The following RADIL variants were observed in gnomAD, a reference collection of about 807,000 sequenced individuals.
RADIL encodes ras-associating and dilute domain-containing protein.
In RADIL, 99 loss-of-function variants were observed where a neutral mutation model predicts 97.6. The observed-to-expected ratio is 1.01, with a 90% CI of 0.86 to 1.20. The LOEUF (loss-of-function observed/expected upper bound fraction) is 1.20, where lower values mean the gene tolerates loss of function less well. Among genes scored for constraint, RADIL ranks in the 50% most tolerant of loss-of-function variants. RADIL has a pLI of 0.00. For missense variants in RADIL, 1,765 were observed against 1,498.9 expected (o/e 1.18, Z -2.93); for synonymous variants, 803 against 691.8 (o/e 1.16, Z -2.52).
At chr7:4,848,211 C>T (rs1223986971) in intron 2 of RADIL, among the ~76,000 whole-genome samples, 2 of 119,596 alleles carry the variant, frequency 1.7e-5, no homozygotes, top group African/African-American at 3.6e-5. Flanking sequence ...AGTGAGACCC[C>T]GTCTCAAAAA....
Position 4,880,397 on chromosome 7 carries a change from G to A in RADIL, c.-64-2194C>T, listed in dbSNP as rs1249557341. ...ATCACAAACGTGCGGCCTGGCCTGT[G>A]CACACCACACCAGCGGCTTCCAATC... On this transcript the variant is annotated intron_variant, in intron 1 of 14. Transcript: ENST00000399583. This position sits in a 1 kb window ranked among gnomAD's most constrained non-coding sequence, Gnocchi z 4.5. Among the ~76,000 whole-genome samples the A allele has an allele frequency of 2.0e-5, 3 of 152,152 alleles. No homozygotes were observed. Among genetic ancestry groups the A allele is most frequent in the Non-Finnish European group, 4.4e-5 (3 of 68,026 alleles).
intron 2 of RADIL, among the ~76,000 whole-genome samples, chr7:4,870,404 G>T (rs1583324060): frequency 6.6e-6 from 1 of 152,180 alleles, no homozygotes; most frequent in African/African-American, 2.4e-5. Context: ...ATAGGTCACT[G>T]TTGGGAACCA....
chr7:4,836,222 C>G, intron 3 of RADIL, 136 bp downstream of exon 3: 1 of 1,354,204 alleles, frequency 7.4e-7, no homozygotes, highest in Non-Finnish European at 1.0e-6. Flanking sequence ...TCCACAGCCT[C>G]GGCACAGCCA....
chr7:4,823,816 G>A (rs374513699), intron 5 of RADIL, among the ~76,000 whole-genome samples: 4 of 152,208 alleles, frequency 2.6e-5, no homozygotes, highest in African/African-American at 9.7e-5. Flanking sequence ...AGGGGTGGAC[G>A]TGGCAAGGCT....
In RADIL at chr7:4,863,989, C is replaced by CAG. The variant is rs556469144; in HGVS notation, c.535+13614_535+13615dup. On this transcript the variant is annotated intron_variant, in intron 2 of 14. Coordinates refer to ENST00000399583, the MANE Select transcript of RADIL (RefSeq NM_018059.5). ...GACTTCCTTTATTTTCCTGGGTACT[C>CAG]AGCTATGCATTCAAAAAAATGATTT... 8.3e-4 allele frequency among the ~76,000 whole-genome samples: 127 copies of CAG among 152,332 alleles called. 1 individual carries two copies. Among genetic ancestry groups the CAG allele is most frequent in the Middle Eastern group, 3.4e-3 (1 of 294 alleles).
chr7:4,871,118 C>T (rs17886321), intron 2 of RADIL, among the ~76,000 whole-genome samples: 72,054 of 152,046 alleles, frequency 0.47, 19,970 homozygotes, highest in African/African-American at 0.77. Flanking sequence ...GGTTGTTTTG[C>T]TTTTAGCCAG....
In RADIL at chr7:4,835,274, G is replaced by A. The variant is rs758825184; in HGVS notation, c.784-35C>T. On this transcript the variant is annotated intron_variant, in intron 3 of 14. Coordinates refer to ENST00000399583, the MANE Select transcript of RADIL (RefSeq NM_018059.5). This position sits in a 1 kb window ranked among gnomAD's most constrained non-coding sequence, Gnocchi z 5.8. ...AGACTCCGCTCAGGGCAGGCGTAAC[G>A]CGAGCAGCACACGGGAAAAGCGTCC... 9.4e-6 allele frequency: 15 copies of A among 1,597,732 alleles called. No individual in the cohort carries two copies. Among genetic ancestry groups the A allele is most frequent in the Non-Finnish European group, 1.3e-5 (15 of 1,177,774 alleles).
rs1782655716 is a variant in RADIL at position 4,815,530 on chromosome 7, C to T, written c.1967-80G>A. On this transcript the variant is annotated intron_variant, in intron 8 of 14. Transcript: ENST00000399583. This position sits in a 1 kb window ranked among gnomAD's most constrained non-coding sequence, Gnocchi z 8.0. ...GACATGGGCCTGTCCCCAGAGCCTG[C>T]CCTTCCCGGCTCTGGGCCACTGAGG... 7 of 1,364,384 alleles carry T rather than the reference C, an allele frequency of 5.1e-6. No homozygotes were observed. Among genetic ancestry groups the T allele is most frequent in the Non-Finnish European group, 6.8e-6 (7 of 1,033,078 alleles). The allele number at this position is 1,364,384 out of a possible 1,614,324, so 84.5% of individuals were successfully genotyped here. A position where few individuals can be genotyped will look rare whatever the true frequency, so the allele number is the denominator to read the frequency against.
At position 4,814,963 on chromosome 7, in the gene RADIL, C is replaced by T. The variant is rs572241915; in HGVS notation, c.2139+315G>A. Among the ~76,000 whole-genome samples, 4 of 152,152 alleles carry T rather than the reference C, an allele frequency of 2.6e-5. No individual in the cohort carries two copies. Among genetic ancestry groups the T allele is most frequent in the South Asian group, 2.1e-4 (1 of 4,824 alleles). On this transcript the variant is annotated intron_variant, in intron 9 of 14. Coordinates refer to ENST00000399583, the MANE Select transcript of RADIL (RefSeq NM_018059.5). This position sits in a 1 kb window ranked among gnomAD's most constrained non-coding sequence, Gnocchi z 4.5. ...ACTTGTCTGAGTGGACTGGGCCACCCGGATACCCAGGTCATCTCCGAATCT... is the reference window on the plus strand; with the variant it reads ...ACTTGTCTGAGTGGACTGGGCCACCTGGATACCCAGGTCATCTCCGAATCT...
Position 4,805,695 on chromosome 7 carries a change from C to G in RADIL, c.2161G>C (p.Ala721Pro), listed in dbSNP as rs1191049999. The G allele has an allele frequency of 6.2e-7, 1 of 1,610,584 alleles. No homozygotes were observed. The highest frequency in any genetic ancestry group is 8.5e-7 in the Non-Finnish European group (1 of 1,179,398). Residue 721 changes from alanine (A) to proline (P), a missense_variant, in exon 10 of 15, where the codon GCT becomes CCT. Transcript: ENST00000399583. ...LIQMSWTALR[A>P]AFPALSPAQL... is the part of the protein sequence containing the mutation. ...GCTGGGCTCAGTGCGGGGAACGCAG[C>G]CCGCAGGGCTGTCCAGCTCATCTGG...
At chr7:4,864,604 T>G (rs1312601881) in intron 2 of RADIL, among the ~76,000 whole-genome samples, 1 of 152,212 alleles carries the variant, frequency 6.6e-6, no homozygotes, top group Non-Finnish European at 1.5e-5. Flanking sequence ...AGTCTCCATT[T>G]TAGGAAATGA....
At position 4,815,568 on chromosome 7, in the gene RADIL, G is replaced by A. The variant is rs1246338185; in HGVS notation, c.1967-118C>T. 23 of 1,129,290 alleles carry A rather than the reference G, an allele frequency of 2.0e-5. 1 individual carries two copies. Among genetic ancestry groups the A allele is most frequent in the South Asian group, 1.5e-4 (8 of 54,806 alleles). 70.0% of individuals were successfully genotyped at this position (1,129,290 alleles called of 1,614,324 possible). ...TGGGCCACTGAGGACATCACAGCTC[G>A]ATGACAGGCAGGACACCTTCCCTCG... On this transcript the variant is annotated intron_variant, in intron 8 of 14. Coordinates refer to ENST00000399583, the MANE Select transcript of RADIL (RefSeq NM_018059.5). This position sits in a 1 kb window ranked among gnomAD's most constrained non-coding sequence, Gnocchi z 8.0.
At chr7:4,860,680 T>A in intron 2 of RADIL, 1 of 1,614,176 alleles carries the variant, frequency 6.2e-7, no homozygotes, top group African/African-American at 1.3e-5. Flanking sequence ...TTGCCAGAAG[T>A]ACAATATAAT....
chr7:4,837,865 C>T lies in RADIL; in HGVS notation c.536-1260G>A, dbSNP rs1442046008. On this transcript the variant is annotated intron_variant, in intron 2 of 14. Transcript: ENST00000399583. The surrounding 1 kb of genome is among the most constrained non-coding windows in gnomAD (Gnocchi z 5.6). ...TGACCCGGCGCTGTCTTTTCTGAGC[C>T]CTCTGCTGAGTTCCCTGTACGCAGC... is the stretch of plus-strand genomic sequence containing the variant. 1.0e-6 allele frequency: 1 copy of T among 985,324 alleles called. No homozygotes were observed. Among genetic ancestry groups the T allele is most frequent in the East Asian group, 1.1e-4 (1 of 8,816 alleles). The allele number at this position is 985,324 out of a possible 1,614,324, so 61.0% of individuals were successfully genotyped here.
At chr7:4,799,567 A>AG (rs1782005269) in intron 14 of RADIL, 63 bp downstream of exon 14, 1 of 1,610,306 alleles carries the variant, frequency 6.2e-7, no homozygotes, top group Non-Finnish European at 8.5e-7. Flanking sequence ...CCTTTACCCC[A>AG]GGTCCACTCC....
intron 2 of RADIL, among the ~76,000 whole-genome samples, chr7:4,874,287 C>T (rs1044619040): frequency 3.9e-5 from 6 of 152,260 alleles, no homozygotes; most frequent in Admixed American, 1.3e-4. Context: ...CTTCTGGGCG[C>T]GGGCCTGTTT....
chr7:4,874,851 A>T (rs1224568899), intron 2 of RADIL, among the ~76,000 whole-genome samples: 1 of 152,146 alleles, frequency 6.6e-6, no homozygotes, highest in Non-Finnish European at 1.5e-5. Context: ...TGAGGTCCGG[A>T]GTTCGAGACC....
At chr7:4,865,444 C>T (rs1276645126) in intron 2 of RADIL, 3 of 721,934 alleles carry the variant, frequency 4.2e-6, no homozygotes. Flanking sequence ...TCCTTGTCTT[C>T]CTCCTCTTCT....
intron 9 of RADIL, among the ~76,000 whole-genome samples, chr7:4,807,594 C>A (rs1366059346): frequency 1.0e-5 from 1 of 100,110 alleles, no homozygotes; most frequent in African/African-American, 4.1e-5. Flanking sequence ...TGTCTCCCCT[C>A]CCTCCTCCCT....
Sources: gnomAD v4.1 joint callset for allele counts (sites outside exome capture counted in the v4.1 genomes callset) on GRCh38, gnomAD v4.1.1 for gene constraint, Gnocchi (gnomAD v3.1) non-coding constraint, MANE v1.5 for transcripts, NCBI Gene and HGNC (gene_info 2026-07-23, HGNC 2026-07-21) for gene names.